ANK3: variants seen among roughly 807,000 people sequenced by gnomAD.
ANK3 encodes ankyrin 3, also known as ankyrin-3.
Under a neutral mutation model 370.9 loss-of-function variants are expected in ANK3, and 57 were observed. The ratio of observed to expected loss-of-function variants is 0.15; its 90% CI spans 0.12 to 0.19. The LOEUF is 0.19. Ranked by LOEUF, ANK3 falls within the 10% of genes least tolerant of loss-of-function variation. The pLI, the probability that ANK3 is intolerant of heterozygous loss-of-function variation, is 1.00. For missense variants in ANK3, 4,439 were observed against 5,302.1 expected (o/e 0.84, Z 5.06); for synonymous variants, 1,929 against 1,946.3 (o/e 0.99, Z 0.23).
In ANK3 at chr10:60,568,507, C is replaced by A. The variant is rs114474144; in HGVS notation, c.96+46679G>T. On this transcript the variant is annotated intron_variant, in intron 2 of 43. Transcript: ENST00000373827. ...TGCATGACTTGCTTAGTTGTGATATCCACTTTACTGCAGTGGTCTGGAACC... is the reference window on the plus strand; with the variant it reads ...TGCATGACTTGCTTAGTTGTGATATACACTTTACTGCAGTGGTCTGGAACC... Among the ~76,000 whole-genome samples the A allele has an allele frequency of 2.4e-3, 372 of 152,302 alleles. 4 individuals are homozygous for A. The highest frequency in any genetic ancestry group is 8.1e-3 in the African/African-American group (337 of 41,564).
At chr10:60,285,764 CA>C (rs1185754268) in intron 1 of ANK3, among the ~76,000 whole-genome samples, 1 of 152,144 alleles carries the variant, frequency 6.6e-6, no homozygotes, top group Non-Finnish European at 1.5e-5. Context: ...TCAACAACAG[CA>C]AAAACAGAAG....
chr10:60,325,392 G>A (rs1298783631), intron 1 of ANK3, among the ~76,000 whole-genome samples: 1 of 152,152 alleles, frequency 6.6e-6, no homozygotes, highest in Non-Finnish European at 1.5e-5. Context: ...AATTATACAT[G>A]TCCTTTCTCA....
Position 60,069,554 on chromosome 10 carries a change from T to G in ANK3, c.11327A>C (p.His3776Pro), listed in dbSNP as rs200306902. ...TANSQMGVRP[H>P]EKHDFQKDNF... ...ATCTTTTTGAAAATCATGTTTTTCA[T>G]GGGGCCTAACGCCCATCTGGCTATT... Residue 3776 changes from histidine (H) to proline (P), a missense_variant, in exon 37 of 44, where the codon CAT (histidine) becomes CCT (proline). Coordinates refer to ENST00000280772, the MANE Select transcript of ANK3 (RefSeq NM_020987.5). The G allele has an allele frequency of 6.2e-7, 1 of 1,613,098 alleles. No individual in the cohort carries two copies. Among genetic ancestry groups the G allele is most frequent in the African/African-American group, 1.3e-5 (1 of 74,928 alleles).
intron 42 of ANK3, among the ~76,000 whole-genome samples, chr10:60,054,339 C>A (rs1272922378): frequency 6.6e-6 from 1 of 152,168 alleles, no homozygotes. Flanking sequence ...CAAAACCACA[C>A]TTGTCAGGAC....
chr10:60,631,265 A>C (rs536242386), intron 1 of ANK3, among the ~76,000 whole-genome samples: 1 of 152,260 alleles, frequency 6.6e-6, no homozygotes, highest in East Asian at 1.9e-4. Context: ...ATGGTGGCTC[A>C]CGCCTGTAAT....
chr10:60,525,300 A>G (rs191232872), intron 2 of ANK3, among the ~76,000 whole-genome samples: 44 of 152,266 alleles, frequency 2.9e-4, no homozygotes, highest in Admixed American at 9.2e-4. Context: ...CTGATTTTCA[A>G]TATTAATAGT....
intron 2 of ANK3, among the ~76,000 whole-genome samples, chr10:60,579,882 C>T (rs919873881): frequency 2.0e-5 from 3 of 152,106 alleles, no homozygotes; most frequent in Non-Finnish European, 4.4e-5. Flanking sequence ...ACATTTAAGA[C>T]ATGGTAAAAT....
At chr10:60,321,866 A>AT (rs1042900335) in intron 1 of ANK3, among the ~76,000 whole-genome samples, 25 of 151,918 alleles carry the variant, frequency 1.6e-4, no homozygotes, top group Admixed American at 5.3e-4. Flanking sequence ...GGACATTTCA[A>AT]TTTTTTTTCA....
At position 60,346,151 on chromosome 10, in the gene ANK3, C is replaced by T. The variant is rs547858287; in HGVS notation, c.114+43274G>A. 5.9e-5 allele frequency among the ~76,000 whole-genome samples: 9 copies of T among 152,014 alleles called. No individual in the cohort carries two copies. The South Asian group carries it at 1.9e-3, about 32-fold the overall frequency. On this transcript the variant is annotated intron_variant, in intron 1 of 43. Transcript: ENST00000280772. ...AAAAATACATGTATACAAAATAAAA[C>T]CAGAAAACAACTGGATGAAAACATG...
At chr10:60,246,071 C>A (rs1408049791) in intron 7 of ANK3, among the ~76,000 whole-genome samples, 4 of 151,926 alleles carry the variant, frequency 2.6e-5, no homozygotes, top group Admixed American at 6.5e-5. Flanking sequence ...GCCTAGCCAA[C>A]ATGGAGAAAC....
chr10:60,085,304 G>A (rs2132017797), intron 30 of ANK3, 51 bp from the exon 31 acceptor site: 1 of 1,438,858 alleles, frequency 6.9e-7, no homozygotes, highest in Non-Finnish European at 9.6e-7. Flanking sequence ...GATGCTCCTT[G>A]TAAAATTTTC....
At chr10:60,546,854 C>T (rs953397025) in intron 2 of ANK3, among the ~76,000 whole-genome samples, 20 of 152,132 alleles carry the variant, frequency 1.3e-4, no homozygotes, top group Non-Finnish European at 4.4e-5. Flanking sequence ...CATAGTGCTT[C>T]CCAGTGCCAG....
At chr10:60,556,166 C>A (rs142292803) in intron 2 of ANK3, among the ~76,000 whole-genome samples, 1 of 152,184 alleles carries the variant, frequency 6.6e-6, no homozygotes, top group African/African-American at 2.4e-5. Flanking sequence ...TAATTACATA[C>A]TATTTGAGCC....
At chr10:60,691,973 AATAG>A (rs200493438) in intron 1 of ANK3, among the ~76,000 whole-genome samples, 6,115 of 152,308 alleles carry the variant, frequency 0.04, 159 homozygotes, top group Middle Eastern at 0.071. Flanking sequence ...GGTTGTCAAG[AATAG>A]ATAGCCTTAG....
At chr10:60,173,446 T>C (rs2095846860) in intron 18 of ANK3, among the ~76,000 whole-genome samples, 1 of 152,200 alleles carries the variant, frequency 6.6e-6, no homozygotes, top group Non-Finnish European at 1.5e-5. Flanking sequence ...CTTAGAACTT[T>C]TCAAGATACA....
chr10:60,170,951 A>G (rs919965856), intron 21 of ANK3, among the ~76,000 whole-genome samples: 51 of 152,140 alleles, frequency 3.4e-4, no homozygotes, highest in Admixed American at 1.2e-3. Context: ...AAGTATTAAT[A>G]TTATATATTT....
intron 20 of ANK3, 56 bp from the exon 21 acceptor site, chr10:60,172,459 T>G: frequency 6.9e-7 from 1 of 1,453,644 alleles, no homozygotes. Flanking sequence ...ACATTTTTTT[T>G]GCTGATACAA....
At chr10:60,064,110 T>G (rs1222739604) in intron 39 of ANK3, 47 bp downstream of exon 39, 2 of 1,500,884 alleles carry the variant, frequency 1.3e-6, no homozygotes, top group East Asian at 4.8e-5. Flanking sequence ...TCTAAAATAT[T>G]ACATTTATGC....
intron 2 of ANK3, among the ~76,000 whole-genome samples, chr10:60,581,603 T>G (rs1166923127): frequency 6.6e-6 from 1 of 151,780 alleles, no homozygotes; most frequent in Non-Finnish European, 1.5e-5. Context: ...TATTATTTTT[T>G]TTTTTTTGTA....
Sources: gnomAD v4.1 joint callset for allele counts (sites outside exome capture counted in the v4.1 genomes callset) on GRCh38, gnomAD v4.1.1 for gene constraint, MANE v1.5 for transcripts, NCBI Gene and HGNC (gene_info 2026-07-23, HGNC 2026-07-21) for gene names.